Variants in MACROD2 observed in about 807,000 individuals in gnomAD.
The protein encoded by MACROD2 is ADP-ribose glycohydrolase MACROD2.
In MACROD2, 36 loss-of-function variants were observed where a neutral mutation model predicts 70.4. The ratio of observed to expected loss-of-function variants is 0.51; its 90% confidence interval spans 0.39 to 0.68. The LOEUF (loss-of-function observed/expected upper bound fraction) is 0.68, where lower values mean the gene tolerates loss of function less well. Ranked by LOEUF, MACROD2 falls within the 30% of genes least tolerant of loss-of-function variation. The probability of loss-of-function intolerance (pLI) is 0.00; values close to 1 mark genes in which losing one functional copy is unlikely to be tolerated. For synonymous variants in MACROD2, 172 were observed against 178.8 expected (o/e 0.96, Z 0.30); for missense variants, 496 against 538.4 (o/e 0.92, Z 0.78).
At chr20:15,319,560 A>T (rs1222154122) in intron 6 of MACROD2, among the ~76,000 whole-genome samples, 1 of 152,214 alleles carries the variant, frequency 6.6e-6, no homozygotes, top group African/African-American at 2.4e-5. Flanking sequence ...AAAATGGTAC[A>T]GCCTCCGTAG....
chr20:14,309,157 T>A (rs2122511616), intron 3 of MACROD2, among the ~76,000 whole-genome samples: 1 of 152,206 alleles, frequency 6.6e-6, no homozygotes, highest in African/African-American at 2.4e-5. Flanking sequence ...CTTTTATAAT[T>A]TATTTCTTAC....
At chr20:16,035,116 A>ATT (rs1175091541) in intron 15 of MACROD2, among the ~76,000 whole-genome samples, 4 of 23,854 alleles carry the variant, frequency 1.7e-4, no homozygotes, top group African/African-American at 2.8e-4. Flanking sequence ...TATATAAAAT[A>ATT]TAATATAAAA....
chr20:15,498,470 T>TA (rs1028949176), intron 7 of MACROD2, among the ~76,000 whole-genome samples: 3 of 151,964 alleles, frequency 2.0e-5, no homozygotes, highest in African/African-American at 4.8e-5. Flanking sequence ...ACAAGCCGTA[T>TA]AAGGAAAAAA....
At chr20:15,862,602 C>T (rs1188003848) in intron 8 of MACROD2, 143 bp from the exon 9 acceptor site, 2 of 625,324 alleles carry the variant, frequency 3.2e-6, no homozygotes, top group African/African-American at 1.8e-5. Context: ...CCTTGAACTT[C>T]ACTCAATGCT....
At chr20:15,516,877 A>C (rs536977327) in intron 8 of MACROD2, among the ~76,000 whole-genome samples, 1 of 152,176 alleles carries the variant, frequency 6.6e-6, no homozygotes, top group Non-Finnish European at 1.5e-5. Flanking sequence ...GAAATCACAG[A>C]TATTTCCTAT....
chr20:15,234,009 A>ATTTTTTTTTTTTTT (rs1342277075), intron 6 of MACROD2, among the ~76,000 whole-genome samples: 4 of 39,996 alleles, frequency 1.0e-4, no homozygotes, highest in Non-Finnish European at 1.9e-4. Context: ...ATATATATAT[A>ATTTTTTTTTTTTTT]TTCTTTTTTT....
chr20:15,044,231 C>G (rs2075376149), intron 5 of MACROD2, among the ~76,000 whole-genome samples: 1 of 152,126 alleles, frequency 6.6e-6, no homozygotes, highest in African/African-American at 2.4e-5. Flanking sequence ...TTAGCATAAT[C>G]TCAGGTGTGG....
At chr20:15,513,664 T>C (rs1424189939) in intron 8 of MACROD2, among the ~76,000 whole-genome samples, 1 of 152,208 alleles carries the variant, frequency 6.6e-6, no homozygotes, top group Non-Finnish European at 1.5e-5. Flanking sequence ...CCATATTGAA[T>C]CCAAGAGACC....
intron 5 of MACROD2, among the ~76,000 whole-genome samples, chr20:14,727,987 T>C (rs1473669042): frequency 1.3e-5 from 2 of 152,190 alleles, no homozygotes; most frequent in Non-Finnish European, 2.9e-5. Flanking sequence ...TTGCTTAACT[T>C]ACTGGCCCCA....
chr20:15,440,563 A>G (rs1280120643), intron 7 of MACROD2, among the ~76,000 whole-genome samples: 1 of 152,324 alleles, frequency 6.6e-6, no homozygotes, highest in East Asian at 1.9e-4. Flanking sequence ...TTATCAGTAC[A>G]TCTGTCTAGA....
At chr20:14,040,831 G>C (rs1053499358) in intron 2 of MACROD2, among the ~76,000 whole-genome samples, 1 of 152,170 alleles carries the variant, frequency 6.6e-6, no homozygotes, top group Non-Finnish European at 1.5e-5. Flanking sequence ...GTTATTAATT[G>C]AAATGTTGTG....
At chr20:14,999,270 G>A (rs1407291468) in intron 5 of MACROD2, among the ~76,000 whole-genome samples, 2 of 152,194 alleles carry the variant, frequency 1.3e-5, no homozygotes, top group Non-Finnish European at 2.9e-5. Context: ...GTGTGTAATG[G>A]TGTGTAAACT....
chr20:15,511,304 T>C (rs914761628), intron 8 of MACROD2, among the ~76,000 whole-genome samples: 3 of 152,238 alleles, frequency 2.0e-5, no homozygotes, highest in African/African-American at 7.2e-5. Flanking sequence ...AATTCTCTTT[T>C]CTTCCAATCG....
At position 15,743,233 on chromosome 20, in the gene MACROD2, C is replaced by T. The variant is rs553903389; in HGVS notation, c.646-119512C>T. On this transcript the variant is annotated intron_variant, in intron 8 of 17. Coordinates refer to ENST00000684519, the MANE Select transcript of MACROD2 (RefSeq NM_001351661.2). ...CAGCGGGCAAAGAATAGAATCCCCA[C>T]GAGGATCTCAGATAACATCAGCCTT... Among the ~76,000 whole-genome samples the T allele has an allele frequency of 2.2e-4, 34 of 152,232 alleles. No homozygotes were observed. In the South Asian group the frequency reaches 3.3e-3, roughly 15 times the overall value.
intron 6 of MACROD2, among the ~76,000 whole-genome samples, chr20:15,281,539 T>C (rs775666977): frequency 5.3e-5 from 8 of 152,196 alleles, no homozygotes; most frequent in Non-Finnish European, 7.3e-5. Flanking sequence ...TGAAATCCAA[T>C]AGAGCCCTCA....
chr20:14,712,847 G>A (rs887540959), intron 5 of MACROD2, among the ~76,000 whole-genome samples: 1 of 152,132 alleles, frequency 6.6e-6, no homozygotes, highest in African/African-American at 2.4e-5. Flanking sequence ...TTGGACAATA[G>A]GAAGGGAATT....
intron 8 of MACROD2, among the ~76,000 whole-genome samples, chr20:15,645,206 T>A (rs1359228078): frequency 6.6e-6 from 1 of 152,210 alleles, no homozygotes; most frequent in East Asian, 1.9e-4. Flanking sequence ...GGTGGACAGT[T>A]GCCTCCTCCT....
At chr20:14,947,636 A>AC (rs1164274576) in intron 5 of MACROD2, among the ~76,000 whole-genome samples, 4 of 151,898 alleles carry the variant, frequency 2.6e-5, no homozygotes, top group Non-Finnish European at 5.9e-5. Flanking sequence ...CAGATGGCCT[A>AC]CCCCCCACCC....
At chr20:15,982,816 G>A (rs752947805) in intron 13 of MACROD2, among the ~76,000 whole-genome samples, 28 of 152,202 alleles carry the variant, frequency 1.8e-4, no homozygotes, top group Non-Finnish European at 3.2e-4. Context: ...AGCATGGCAG[G>A]ACTTTATGTT....
Sources: gnomAD v4.1 joint callset for allele counts (sites outside exome capture counted in the v4.1 genomes callset) on GRCh38, gnomAD v4.1.1 for gene constraint, MANE v1.5 for transcripts, NCBI Gene and HGNC (gene_info 2026-07-23, HGNC 2026-07-21) for gene names.